Variants in CIDEC observed in about 807,000 individuals in gnomAD.
The protein encoded by CIDEC is cell death inducing DFFA like effector c.
A neutral mutation model predicts 21.9 loss-of-function variants in CIDEC; 11 were observed. That is an observed-to-expected ratio of 0.50 (90% CI 0.32 to 0.83). The LOEUF is 0.83. CIDEC is among the 40% of genes least tolerant of loss of function. The pLI, the probability that CIDEC is intolerant of heterozygous loss-of-function variation, is 0.04. For missense variants in CIDEC, 302 were observed against 302.3 expected, an observed-to-expected ratio of 1.00 and a Z score of 0.01; for synonymous variants, 127 against 124.9, an observed-to-expected ratio of 1.02 and a Z score of -0.11.
At chr3:9,877,284 G>A in intron 3 of CIDEC, 65 bp from the exon 4 acceptor site, 1 of 1,482,148 alleles carries the variant, frequency 6.7e-7, no homozygotes, top group Non-Finnish European at 9.2e-7. Flanking sequence ...CCACACAGGG[G>A]AGCCACCTCC....
At chr3:9,878,779 T>C (rs1327814667) in intron 2 of CIDEC, 163 bp downstream of exon 2, 7 of 1,535,900 alleles carry the variant, frequency 4.6e-6, no homozygotes, top group Non-Finnish European at 5.2e-6. Flanking sequence ...TCCCACTCAC[T>C]CCATGTTTCT....
intron 2 of CIDEC, 31 bp downstream of exon 2, chr3:9,878,911 C>A: frequency 8.9e-7 from 1 of 1,124,670 alleles, no homozygotes; most frequent in Non-Finnish European, 1.3e-6. Context: ...TGAGTCACAC[C>A]ACCTCACACT....
Position 9,870,146 on chromosome 3 carries a change from C to T in CIDEC, c.366+18G>A. 1 of 1,614,066 alleles carries T rather than the reference C, an allele frequency of 6.2e-7. No individual in the cohort carries two copies. The highest frequency in any genetic ancestry group is 8.5e-7 in the Non-Finnish European group (1 of 1,179,918). ...TCCCGATTTTCTCCCCCATCAGGTG[C>T]AACAGGTGGGACCTCACCTGTTCTG... is the stretch of plus-strand genomic sequence containing the variant. On this transcript the variant is annotated intron_variant, in intron 5 of 6. Transcript: ENST00000336832.
In CIDEC at chr3:9,877,229, T is replaced by C; in HGVS notation, c.54-10A>G. ...ACGCACTGACACATGCCTGGGGCAG[T>C]TGAAGCATCAGGGTGAGCCACCCAC... On this transcript the variant is annotated splice_polypyrimidine_tract_variant and intron_variant, in intron 3 of 6. Coordinates refer to ENST00000336832, the MANE Select transcript of CIDEC (RefSeq NM_001321142.2). The C allele has an allele frequency of 2.6e-6, 4 of 1,549,848 alleles. No homozygotes were observed. The highest frequency in any genetic ancestry group is 2.6e-6 in the Non-Finnish European group (3 of 1,146,970).
At chr3:9,877,415 T>C (rs1319554221) in intron 3 of CIDEC, among the ~76,000 whole-genome samples, 196 bp from the exon 4 acceptor site, 1 of 152,140 alleles carries the variant, frequency 6.6e-6, no homozygotes, top group Non-Finnish European at 1.5e-5. Context: ...AATCCCACAC[T>C]TTGGAAGGCT....
rs560316405 is a variant in CIDEC at position 9,873,476 on chromosome 3, C to T, written c.208-3154G>A. ...ACTAAAAATACAAAAATTAGCCAGG[C>T]GTGGTGGCAGGTACCTGTAGTCCCA... On this transcript the variant is annotated intron_variant, in intron 4 of 6. Transcript: ENST00000336832. Among the ~76,000 whole-genome samples, 131 of 152,228 alleles carry T rather than the reference C, an allele frequency of 8.6e-4. 1 individual carries two copies. The Middle Eastern group carries it at 0.027, about 32-fold the overall frequency.
chr3:9,878,737 G>C, intron 2 of CIDEC: 1 of 1,535,760 alleles, frequency 6.5e-7, no homozygotes. Context: ...CTCAGGCTCA[G>C]CCTCACTCAG....
At chr3:9,871,857 C>T (rs1200873612) in intron 4 of CIDEC, among the ~76,000 whole-genome samples, 2 of 152,010 alleles carry the variant, frequency 1.3e-5, no homozygotes, top group South Asian at 2.1e-4. Context: ...CTCAAACTCC[C>T]GACCTCAGTT....
At chr3:9,868,372 G>A (rs918142328) in intron 6 of CIDEC, among the ~76,000 whole-genome samples, 7 of 152,244 alleles carry the variant, frequency 4.6e-5, no homozygotes, top group African/African-American at 1.7e-4. Context: ...TGGACATGAA[G>A]ACATCCATGC....
chr3:9,879,652 G>A (rs188222349), intron 1 of CIDEC, among the ~76,000 whole-genome samples: 45 of 152,270 alleles, frequency 3.0e-4, no homozygotes, highest in Admixed American at 2.4e-3. Flanking sequence ...CCAACCCTTT[G>A]CACAGATAGT....
rs978696181 is a variant in CIDEC, at chr3:9,870,328, G to C, written c.208-6C>G. ...AGCATCAGAGTGTCCCGGACCTGGG[G>C]AATAAGGTCAGTGATGCTTCTGCCA... On this transcript the variant is annotated splice_region_variant and splice_polypyrimidine_tract_variant and intron_variant, in intron 4 of 6. Transcript: ENST00000336832. 1.2e-6 allele frequency: 2 copies of C among 1,612,522 alleles called. No individual in the cohort carries two copies. Among genetic ancestry groups the C allele is most frequent in the Non-Finnish European group, 1.7e-6 (2 of 1,180,004 alleles).
intron 6 of CIDEC, 152 bp from the exon 7 acceptor site, chr3:9,867,448 T>G: frequency 3.2e-5 from 24 of 754,832 alleles, no homozygotes; most frequent in Non-Finnish European, 4.7e-5. Context: ...GGCGAATCTC[T>G]GTCTCTACTA....
Position 9,870,296 on chromosome 3 carries a change from G to A in CIDEC, c.234C>T (p.Asp78=), listed in dbSNP as rs2082330495. The A allele has an allele frequency of 1.9e-6, 3 of 1,614,024 alleles. No individual in the cohort carries two copies. Among genetic ancestry groups the A allele is most frequent in the Non-Finnish European group, 2.5e-6 (3 of 1,180,032 alleles). The change falls in exon 5 of 7, where the codon GAC becomes GAT. Residue 78 remains aspartate (D), a synonymous_variant. Coordinates refer to ENST00000336832, the MANE Select transcript of CIDEC (RefSeq NM_001321142.2). The part of the protein sequence containing the change: ...LKVRDTLMLA[D]KPFFLVLEED... ...CCTCCAGCACCAGGAAGAAGGGCTT[G>A]TCTGCCAGCATCAGAGTGTCCCGGA...
Position 9,875,376 on chromosome 3 carries a change from C to CAAAA in CIDEC, c.207+1686_207+1689dup, listed in dbSNP as rs34070196. Among the ~76,000 whole-genome samples the CAAAA allele has an allele frequency of 2.0e-3, 234 of 116,868 alleles. 1 individual carries two copies. Among genetic ancestry groups the CAAAA allele is most frequent in the African/African-American group, 7.7e-3 (227 of 29,552 alleles). The allele number at this position is 116,868 out of a possible 152,430, so 76.7% of individuals were successfully genotyped here. Reference sequence around the variant, plus strand: ...TGGGCGACAAAGCGAGACTCTGTCTCAAAAAAAAAAAAAAAAAGAAAAAAG... The same window carrying CAAAA: ...TGGGCGACAAAGCGAGACTCTGTCTCAAAAAAAAAAAAAAAAAAAAAGAAAAAAG... On this transcript the variant is annotated intron_variant, in intron 4 of 6. Coordinates refer to ENST00000336832, the MANE Select transcript of CIDEC (RefSeq NM_001321142.2).
In CIDEC at chr3:9,870,578, C is replaced by T. The variant is rs552925304; in HGVS notation, c.208-256G>A. The T allele has an allele frequency of 3.6e-6, 4 of 1,124,210 alleles. No homozygotes were observed. The African/African-American group carries it at 4.7e-5, about 13-fold the overall frequency. The allele number at this position is 1,124,210 out of a possible 1,614,324, so 69.6% of individuals were successfully genotyped here. On this transcript the variant is annotated intron_variant, in intron 4 of 6. Coordinates refer to ENST00000336832, the MANE Select transcript of CIDEC (RefSeq NM_001321142.2). Reference sequence around the variant, plus strand: ...AGTTACCCTCTAAAAGTGTACAATTCAGGGTTTTTTAGTATATTCGCAAAG... The same window carrying T: ...AGTTACCCTCTAAAAGTGTACAATTTAGGGTTTTTTAGTATATTCGCAAAG...
rs958625387 is a variant in CIDEC, at chr3:9,878,886, T to A, written c.-26+56A>T. On this transcript the variant is annotated intron_variant, in intron 2 of 6. Transcript: ENST00000336832. The stretch of plus-strand genomic sequence containing the variant: ...CTGTCCATGGGGACAGAGTCCACTT[T>A]ACGCTGGCAGGAGGTGAGTCACACC... 1.2e-5 allele frequency: 17 copies of A among 1,422,504 alleles called. No individual in the cohort carries two copies. In the South Asian group the frequency reaches 2.0e-4, roughly 16 times the overall value. The allele number at this position is 1,422,504 out of a possible 1,614,324, so 88.1% of individuals were successfully genotyped here.
chr3:9,869,828 G>T, intron 6 of CIDEC, 54 bp downstream of exon 6: 4 of 1,525,276 alleles, frequency 2.6e-6, no homozygotes, highest in Non-Finnish European at 2.7e-6. Context: ...GACAGATAGG[G>T]GCTCTCCCAT....
rs776335286 is a variant in CIDEC at position 9,874,065 on chromosome 3, C to T, written c.207+3001G>A. Among the ~76,000 whole-genome samples, 213 of 152,084 alleles carry T rather than the reference C, an allele frequency of 1.4e-3. 5 individuals carry two copies. The highest frequency in any genetic ancestry group is 5.2e-4 in the Admixed American group (8 of 15,252). ...GAAAATACAAGATGAGCCTGTAATA[C>T]CTTGTTGCACCAGAAAGAAAGCATG... On this transcript the variant is annotated intron_variant, in intron 4 of 6. Coordinates refer to ENST00000336832, the MANE Select transcript of CIDEC (RefSeq NM_001321142.2).
intron 1 of CIDEC, among the ~76,000 whole-genome samples, chr3:9,879,489 A>G (rs2082476398): frequency 6.6e-6 from 1 of 151,986 alleles, no homozygotes; most frequent in Non-Finnish European, 1.5e-5. Context: ...TGTATTTTTT[A>G]CTTTATTGAA....
Sources: gnomAD v4.1 joint callset for allele counts (sites outside exome capture counted in the v4.1 genomes callset) on GRCh38, gnomAD v4.1.1 for gene constraint, MANE v1.5 for transcripts, NCBI Gene and HGNC (gene_info 2026-07-23, HGNC 2026-07-21) for gene names.